Variants in CTNNA3 observed in about 807,000 individuals in gnomAD.
CTNNA3 encodes the protein catenin alpha-3.
In CTNNA3, 76 loss-of-function variants were observed where a neutral mutation model predicts 95.7. The observed-to-expected ratio is 0.79, with a 90% CI of 0.66 to 0.96. The LOEUF (loss-of-function observed/expected upper bound fraction) is 0.96, where lower values mean the gene tolerates loss of function less well. CTNNA3 is among the 40% of genes least tolerant of loss of function. The pLI is 0.00. For missense variants in CTNNA3, 1,191 were observed against 1,089.8 expected, an observed-to-expected ratio of 1.09 and a Z score of -1.31; for synonymous variants, 431 against 374.4, an observed-to-expected ratio of 1.15 and a Z score of -1.74.
At chr10:66,104,649 T>G (rs2081810502) in intron 13 of CTNNA3, among the ~76,000 whole-genome samples, 1 of 152,194 alleles carries the variant, frequency 6.6e-6, no homozygotes, top group Non-Finnish European at 1.5e-5. Context: ...TCTGTATGAT[T>G]CCTTTGCTAC....
At chr10:66,497,699 T>A (rs1234574095) in intron 11 of CTNNA3, among the ~76,000 whole-genome samples, 2 of 152,112 alleles carry the variant, frequency 1.3e-5, no homozygotes, top group East Asian at 3.9e-4. Context: ...ATTTGACTGC[T>A]GATAGAAAAG....
At chr10:66,987,895 G>A (rs1265925708) in intron 7 of CTNNA3, among the ~76,000 whole-genome samples, 2 of 152,270 alleles carry the variant, frequency 1.3e-5, no homozygotes, top group Non-Finnish European at 2.9e-5. Flanking sequence ...TTTTTATGCA[G>A]AGGGTTTTAA....
intron 7 of CTNNA3, among the ~76,000 whole-genome samples, chr10:66,780,605 A>G (rs1306098903): frequency 6.6e-6 from 1 of 152,202 alleles, no homozygotes; most frequent in East Asian, 1.9e-4. Flanking sequence ...GGGCTCATAA[A>G]GAGCTCATTT....
rs1843672086 is a variant in CTNNA3 at position 67,375,954 on chromosome 10, G to A, written c.579+145888C>T. ...CGGAACCCTTATGAATAGGATCAGT[G>A]CTCTTATAAAAGAGGCCAAAAGGAA... On this transcript the variant is annotated intron_variant, in intron 5 of 17. Transcript: ENST00000433211. 2.0e-5 allele frequency among the ~76,000 whole-genome samples: 3 copies of A among 152,278 alleles called. No homozygotes were observed. In the South Asian group the frequency reaches 6.2e-4, roughly 32 times the overall value.
intron 5 of CTNNA3, among the ~76,000 whole-genome samples, chr10:67,361,876 C>T (rs1260426784): frequency 2.0e-5 from 3 of 151,692 alleles, no homozygotes; most frequent in Non-Finnish European, 2.9e-5. Context: ...CACTGCTAGT[C>T]AGAAACAAAG....
intron 9 of CTNNA3, among the ~76,000 whole-genome samples, chr10:66,753,567 C>G (rs548561211): frequency 6.6e-4 from 100 of 151,646 alleles, no homozygotes; most frequent in Admixed American, 6.6e-4. Flanking sequence ...GAGGCTGAGG[C>G]AGGAGAATCG....
At chr10:66,457,876 A>C (rs1405737619) in intron 11 of CTNNA3, among the ~76,000 whole-genome samples, 15 of 152,106 alleles carry the variant, frequency 9.9e-5, no homozygotes, top group African/African-American at 3.4e-4. Flanking sequence ...AGAGGCAGAG[A>C]GCCTCAGGCC....
At chr10:67,033,551 C>T (rs1221301246) in intron 7 of CTNNA3, among the ~76,000 whole-genome samples, 1 of 152,204 alleles carries the variant, frequency 6.6e-6, no homozygotes, top group African/African-American at 2.4e-5. Context: ...ACTTCTACTA[C>T]TTATAACACA....
chr10:66,185,031 G>T (rs994907042), intron 13 of CTNNA3, among the ~76,000 whole-genome samples: 3 of 152,086 alleles, frequency 2.0e-5, no homozygotes, highest in Non-Finnish European at 2.9e-5. Flanking sequence ...AGTAATTATT[G>T]TCATGTCCCA....
intron 1 of CTNNA3, among the ~76,000 whole-genome samples, chr10:67,686,248 G>A (rs1840727999): frequency 6.6e-6 from 1 of 152,190 alleles, no homozygotes; most frequent in African/African-American, 2.4e-5. Context: ...TGCTAACTGG[G>A]TGCTGGTCCC....
chr10:66,390,545 A>T (rs984405803), intron 11 of CTNNA3, among the ~76,000 whole-genome samples: 1 of 152,058 alleles, frequency 6.6e-6, no homozygotes, highest in Non-Finnish European at 1.5e-5. Flanking sequence ...ATTTAATTAT[A>T]AAAAAAAGTT....
At chr10:67,233,684 A>G (rs1564499247) in intron 5 of CTNNA3, among the ~76,000 whole-genome samples, 1 of 150,444 alleles carries the variant, frequency 6.6e-6, no homozygotes, top group Non-Finnish European at 1.5e-5. Flanking sequence ...AAGGAAATAG[A>G]CACACAAAAA....
intron 5 of CTNNA3, among the ~76,000 whole-genome samples, chr10:67,386,882 C>A (rs1262214251): frequency 6.6e-6 from 1 of 152,176 alleles, no homozygotes; most frequent in East Asian, 1.9e-4. Flanking sequence ...ACCACAAGTT[C>A]CTTTTTGGTT....
intron 7 of CTNNA3, among the ~76,000 whole-genome samples, chr10:67,111,725 C>G (rs1438287830): frequency 2.0e-5 from 3 of 151,824 alleles, no homozygotes; most frequent in African/African-American, 7.3e-5. Flanking sequence ...AGGATATTCC[C>G]ATTTCTCTCC....
chr10:67,096,349 G>A (rs1589732897), intron 7 of CTNNA3, among the ~76,000 whole-genome samples: 1 of 151,580 alleles, frequency 6.6e-6, no homozygotes, highest in Non-Finnish European at 1.5e-5. Context: ...GGAGAGAAGG[G>A]GAAAGAATGT....
intron 11 of CTNNA3, among the ~76,000 whole-genome samples, chr10:66,424,158 A>T (rs12570846): frequency 0.12 from 17,809 of 152,040 alleles, 1,511 homozygotes; most frequent in African/African-American, 0.24. Flanking sequence ...CTTTATTTAC[A>T]GTATGAGTTC....
At chr10:65,925,220 C>T (rs1355459874) in intron 17 of CTNNA3, among the ~76,000 whole-genome samples, 1 of 152,246 alleles carries the variant, frequency 6.6e-6, no homozygotes, top group Admixed American at 6.5e-5. Context: ...AACCTCTAGC[C>T]CCTCATATTC....
chr10:66,316,446 T>G (rs1371090228), intron 12 of CTNNA3, among the ~76,000 whole-genome samples: 2 of 152,076 alleles, frequency 1.3e-5, no homozygotes, highest in Non-Finnish European at 1.5e-5. Context: ...ATTCCAGTTC[T>G]GGGTCACAGG....
chr10:66,917,596 C>T, intron 7 of CTNNA3, among the ~76,000 whole-genome samples: 1 of 152,136 alleles, frequency 6.6e-6, no homozygotes, highest in East Asian at 1.9e-4. Context: ...ATAAAACCAA[C>T]CTATGGCATA....
Sources: gnomAD v4.1 joint callset for allele counts (sites outside exome capture counted in the v4.1 genomes callset) on GRCh38, gnomAD v4.1.1 for gene constraint, MANE v1.5 for transcripts, NCBI Gene and HGNC (gene_info 2026-07-23, HGNC 2026-07-21) for gene names.